The following CRPPA variants were observed in gnomAD, a reference collection of about 807,000 sequenced individuals.
The protein encoded by CRPPA is D-ribitol-5-phosphate cytidylyltransferase.
CRPPA carries 43 observed loss-of-function variants against 52.0 expected under a neutral mutation model. The ratio of observed to expected loss-of-function variants is 0.83; its 90% CI spans 0.65 to 1.07. The LOEUF (loss-of-function observed/expected upper bound fraction) is 1.07. Ranked by LOEUF, CRPPA falls within the 50% of genes least tolerant of loss-of-function variation. The pLI is 0.00. For synonymous variants in CRPPA, 250 were observed against 203.5 expected, an observed-to-expected ratio of 1.23 and a Z score of -1.94; for missense variants, 629 against 551.7, an observed-to-expected ratio of 1.14 and a Z score of -1.40.
At chr7:16,332,267 T>C (rs1785568876) in intron 3 of CRPPA, among the ~76,000 whole-genome samples, 1 of 152,054 alleles carries the variant, frequency 6.6e-6, no homozygotes, top group Non-Finnish European at 1.5e-5. Flanking sequence ...TTGTGGAAAA[T>C]TGTTGCCAAT....
chr7:16,305,373 G>C (rs541742639), intron 4 of CRPPA, among the ~76,000 whole-genome samples: 1 of 152,126 alleles, frequency 6.6e-6, no homozygotes, highest in Non-Finnish European at 1.5e-5. Context: ...TCCAGAGCAC[G>C]ACAGGACTTT....
rs778610808 is a variant in CRPPA at position 16,144,262 on chromosome 7, C to T, written c.1252-52463G>A. On this transcript the variant is annotated intron_variant, in intron 9 of 9. Transcript: ENST00000407010. Reference sequence around the variant, plus strand: ...CAGGGATGCGCCATGCCCATTCATGCCTGCAGTAACAGGGCCTGCAAACCT... The same window carrying T: ...CAGGGATGCGCCATGCCCATTCATGTCTGCAGTAACAGGGCCTGCAAACCT... 3.3e-5 allele frequency among the ~76,000 whole-genome samples: 5 copies of T among 152,324 alleles called. No homozygotes were observed. In the South Asian group the frequency reaches 8.3e-4, roughly 25 times the overall value.
At chr7:16,186,648 A>C (rs1781509896) in intron 9 of CRPPA, among the ~76,000 whole-genome samples, 1 of 152,250 alleles carries the variant, frequency 6.6e-6, no homozygotes, top group Non-Finnish European at 1.5e-5. Context: ...TACTTAGTCA[A>C]ATCAAAATAA....
intron 1 of CRPPA, among the ~76,000 whole-genome samples, chr7:16,410,855 C>T (rs1184392277): frequency 6.6e-6 from 1 of 152,192 alleles, no homozygotes; most frequent in African/African-American, 2.4e-5. Flanking sequence ...CCGAGTCTTT[C>T]ATACTCATCA....
At chr7:16,335,314 C>T (rs1785654175) in intron 3 of CRPPA, among the ~76,000 whole-genome samples, 1 of 152,092 alleles carries the variant, frequency 6.6e-6, no homozygotes, top group African/African-American at 2.4e-5. Flanking sequence ...ATTTGTGCCA[C>T]TGCATTCAAG....
intron 4 of CRPPA, among the ~76,000 whole-genome samples, chr7:16,305,205 G>T (rs926560363): frequency 6.6e-6 from 1 of 152,066 alleles, no homozygotes; most frequent in Non-Finnish European, 1.5e-5. Context: ...AGAAGTCAAA[G>T]ATGAGACAAG....
chr7:16,399,574 C>T (rs1033306789), intron 2 of CRPPA, among the ~76,000 whole-genome samples: 14 of 151,878 alleles, frequency 9.2e-5, no homozygotes, highest in Non-Finnish European at 1.9e-4. Flanking sequence ...ACGTTTGTGA[C>T]ATGTGACAAG....
At chr7:16,106,041 A>G (rs1350735466) in intron 9 of CRPPA, among the ~76,000 whole-genome samples, 1 of 152,152 alleles carries the variant, frequency 6.6e-6, no homozygotes, top group Non-Finnish European at 1.5e-5. Context: ...ACATCTGCAC[A>G]TCTCAGAGAA....
chr7:16,407,847 C>T (rs1787990395), intron 1 of CRPPA, among the ~76,000 whole-genome samples: 2 of 152,136 alleles, frequency 1.3e-5, no homozygotes, highest in Admixed American at 1.3e-4. Context: ...TGGCTCATGC[C>T]TGTAATCCCA....
intron 9 of CRPPA, among the ~76,000 whole-genome samples, chr7:16,105,811 A>C (rs1782139734): frequency 6.6e-6 from 1 of 152,172 alleles, no homozygotes; most frequent in Non-Finnish European, 1.5e-5. Flanking sequence ...TCCATTTCAG[A>C]AACAATGAAG....
intron 3 of CRPPA, among the ~76,000 whole-genome samples, chr7:16,328,124 T>C (rs1233447637): frequency 6.6e-6 from 1 of 152,238 alleles, no homozygotes; most frequent in African/African-American, 2.4e-5. Flanking sequence ...GTCCATTTAT[T>C]ACGGAATCTT....
intron 3 of CRPPA, among the ~76,000 whole-genome samples, chr7:16,367,319 G>A (rs939448041): frequency 2.6e-5 from 4 of 152,016 alleles, no homozygotes; most frequent in African/African-American, 4.8e-5. Flanking sequence ...AGGCACAACC[G>A]AACAACTAAG....
At chr7:16,242,041 C>T (rs1783129549) in intron 8 of CRPPA, among the ~76,000 whole-genome samples, 1 of 146,204 alleles carries the variant, frequency 6.8e-6, no homozygotes, top group Non-Finnish European at 1.5e-5. Context: ...TCACTGCCCC[C>T]CGGGTTCCAG....
Position 16,421,510 on chromosome 7 carries a change from G to C in CRPPA, c.-188C>G, listed in dbSNP as rs1479130923. Among the ~76,000 whole-genome samples the C allele has an allele frequency of 6.6e-6, 1 of 152,170 alleles. No homozygotes were observed. Among genetic ancestry groups the C allele is most frequent in the South Asian group, 2.1e-4 (1 of 4,834 alleles). ...TGCCCCGCAGGGGACGATCCCGACA[G>C]CTACGGCAGCAGCTGAGGCTGCCGA... On this transcript the variant is annotated 5_prime_UTR_variant, in exon 1 of 10. Transcript: ENST00000407010.
chr7:16,336,029 A>G (rs1785671016), intron 3 of CRPPA, among the ~76,000 whole-genome samples: 1 of 152,200 alleles, frequency 6.6e-6, no homozygotes, highest in South Asian at 2.1e-4. Context: ...TGTCCTTCTG[A>G]ACTGAAAGAT....
rs562447644 is a variant in CRPPA at position 16,318,387 on chromosome 7, G to A, written c.685-9760C>T. ...AGACCCAAATATCTCTACAAGGTCA[G>A]TTATGAAAAAAAGTCCAACCCACTC... is the stretch of plus-strand genomic sequence containing the variant. On this transcript the variant is annotated intron_variant, in intron 3 of 9. Transcript: ENST00000407010. Among the ~76,000 whole-genome samples, 5 of 152,202 alleles carry A rather than the reference G, an allele frequency of 3.3e-5. No individual in the cohort carries two copies. The East Asian group carries it at 9.7e-4, about 29-fold the overall frequency.
In CRPPA at chr7:16,308,637, A is replaced by AAACAAC. The variant is rs142647500; in HGVS notation, c.685-16_685-11dup. The AAACAAC allele has an allele frequency of 2.8e-6, 4 of 1,406,242 alleles. No homozygotes were observed. The highest frequency in any genetic ancestry group is 2.9e-5 in the African/African-American group (2 of 69,936). The allele number at this position is 1,406,242 out of a possible 1,614,324, so 87.1% of individuals were successfully genotyped here. The stretch of plus-strand genomic sequence containing the variant: ...AGTCATAGTCACTACACTGGTGTGG[A>AAACAAC]AACAACAACAACAACAATTAAGCTA... On this transcript the variant is annotated splice_polypyrimidine_tract_variant and intron_variant, in intron 3 of 9. Transcript: ENST00000407010.
At chr7:16,182,462 T>C (rs114230467) in intron 9 of CRPPA, among the ~76,000 whole-genome samples, 39 of 152,208 alleles carry the variant, frequency 2.6e-4, no homozygotes, top group African/African-American at 9.1e-4. Flanking sequence ...TATAATAACA[T>C]CTTGGTCCAT....
At chr7:16,225,679 ATAAT>A (rs1782629633) in intron 8 of CRPPA, among the ~76,000 whole-genome samples, 1 of 151,864 alleles carries the variant, frequency 6.6e-6, no homozygotes, top group Admixed American at 6.6e-5. Context: ...GCATCAATCT[ATAAT>A]TATTATTAAG....
Sources: gnomAD v4.1 joint callset for allele counts (sites outside exome capture counted in the v4.1 genomes callset) on GRCh38, gnomAD v4.1.1 for gene constraint, MANE v1.5 for transcripts, NCBI Gene and HGNC (gene_info 2026-07-23, HGNC 2026-07-21) for gene names.